Variants in OSBPL3 observed in about 807,000 individuals in gnomAD.
OSBPL3 encodes oxysterol-binding protein-related protein 3.
A neutral mutation model predicts 120.1 loss-of-function variants in OSBPL3; 65 were observed. The observed-to-expected ratio is 0.54, with a 90% CI of 0.44 to 0.67. OSBPL3 has a LOEUF of 0.67. OSBPL3 is among the 30% of genes least tolerant of loss of function. The probability of loss-of-function intolerance (pLI) is 0.00; values close to 1 mark genes in which losing one functional copy is unlikely to be tolerated. For missense variants in OSBPL3, 1,004 were observed against 1,082.1 expected (o/e 0.93, Z 1.01); for synonymous variants, 416 against 402.6 (o/e 1.03, Z -0.40).
chr7:24,865,124 C>A (rs928813894), intron 7 of OSBPL3, among the ~76,000 whole-genome samples: 1 of 152,154 alleles, frequency 6.6e-6, no homozygotes, highest in Non-Finnish European at 1.5e-5. Context: ...ACTGAAGGAA[C>A]AGAAGAAGAA....
At chr7:24,901,200 G>A (rs966481051) in intron 1 of OSBPL3, among the ~76,000 whole-genome samples, 5 of 151,630 alleles carry the variant, frequency 3.3e-5, no homozygotes, top group South Asian at 2.1e-4. Context: ...AGTGGCAGGC[G>A]CCTGTAATCC....
intron 1 of OSBPL3, among the ~76,000 whole-genome samples, chr7:24,892,828 A>T (rs1182609144): frequency 2.6e-5 from 4 of 152,250 alleles, no homozygotes; most frequent in Non-Finnish European, 4.4e-5. Flanking sequence ...TTTGCAATAT[A>T]GCAGGCTTAA....
At chr7:24,923,043 AAC>A (rs1810591440) in intron 1 of OSBPL3, among the ~76,000 whole-genome samples, 1 of 152,166 alleles carries the variant, frequency 6.6e-6, no homozygotes, top group African/African-American at 2.4e-5. Context: ...TCCCCGCCCC[AAC>A]ACACACACAG....
intron 1 of OSBPL3, among the ~76,000 whole-genome samples, chr7:24,978,322 T>C (rs1420604357): frequency 6.6e-6 from 1 of 152,260 alleles, no homozygotes; most frequent in East Asian, 1.9e-4. Context: ...AGGTTTCATT[T>C]ATTCATTCTA....
rs535862197 is a variant in OSBPL3, at chr7:24,948,154, A to G, written c.-150+31732T>C. On this transcript the variant is annotated intron_variant, in intron 1 of 22. Coordinates refer to ENST00000313367, the MANE Select transcript of OSBPL3 (RefSeq NM_015550.4). ...CGGAAGACAAAGCGAGAGAGAGAAG[A>G]TTCTCAAGTGGTTTCAAGTCTGGGA... 5.9e-5 allele frequency among the ~76,000 whole-genome samples: 9 copies of G among 152,332 alleles called. No individual in the cohort carries two copies. The South Asian group carries it at 1.7e-3, about 28-fold the overall frequency.
rs1816566500 is a variant in OSBPL3, at chr7:24,967,854, C to T, written c.-150+12032G>A. 6.6e-6 allele frequency among the ~76,000 whole-genome samples: 1 copy of T among 152,166 alleles called. No homozygotes were observed. Among genetic ancestry groups the T allele is most frequent in the Non-Finnish European group, 1.5e-5 (1 of 68,030 alleles). On this transcript the variant is annotated intron_variant, in intron 1 of 22. Transcript: ENST00000313367. The surrounding 1 kb of genome is among the most constrained non-coding windows in gnomAD (Gnocchi z 5.6). ...CCCTCTCTCTTGCACTGTTGCTGGA[C>T]ATGTCTGTGCTGATACCACCCATAC...
Position 24,937,734 on chromosome 7 carries a change from C to A in OSBPL3, c.-150+42152G>T, listed in dbSNP as rs898005864. Among the ~76,000 whole-genome samples the A allele has an allele frequency of 2.0e-5, 3 of 152,356 alleles. No individual in the cohort carries two copies. The highest frequency in any genetic ancestry group is 7.2e-5 in the African/African-American group (3 of 41,582). On this transcript the variant is annotated intron_variant, in intron 1 of 22. Coordinates refer to ENST00000313367, the MANE Select transcript of OSBPL3 (RefSeq NM_015550.4). This position sits in a 1 kb window ranked among gnomAD's most constrained non-coding sequence, Gnocchi z 4.0. ...ACTAATTACTTATTACCAAATCATT[C>A]TCCAAGCTGGTTGTTCCAAATGATA... is the stretch of plus-strand genomic sequence containing the variant.
chr7:24,893,551 C>A (rs930331179), intron 1 of OSBPL3, among the ~76,000 whole-genome samples: 1 of 152,146 alleles, frequency 6.6e-6, no homozygotes, highest in Non-Finnish European at 1.5e-5. Context: ...GTGGCTCATG[C>A]CTGTAATCCT....
Position 24,815,264 on chromosome 7 carries a change from A to C in OSBPL3, c.2028-61T>G. The C allele has an allele frequency of 7.5e-7, 1 of 1,331,036 alleles. No homozygotes were observed. Among genetic ancestry groups the C allele is most frequent in the Non-Finnish European group, 1.1e-6 (1 of 934,112 alleles). 82.5% of individuals were successfully genotyped at this position (1,331,036 alleles called of 1,614,324 possible). On this transcript the variant is annotated intron_variant, in intron 18 of 22. Coordinates refer to ENST00000313367, the MANE Select transcript of OSBPL3 (RefSeq NM_015550.4). The surrounding 1 kb of genome is among the most constrained non-coding windows in gnomAD (Gnocchi z 5.1). Reference sequence around the variant, plus strand: ...AGAAGAGCCAGCAGCAAATGCAAACAAACTCTGCTCTTTTATAAAATAAGT... The same window carrying C: ...AGAAGAGCCAGCAGCAAATGCAAACCAACTCTGCTCTTTTATAAAATAAGT...
rs1795475693 is a variant in OSBPL3 at position 24,824,547 on chromosome 7, C to T, written c.1885-4309G>A. 6.6e-6 allele frequency among the ~76,000 whole-genome samples: 1 copy of T among 152,134 alleles called. No individual in the cohort carries two copies. The highest frequency in any genetic ancestry group is 1.5e-5 in the Non-Finnish European group (1 of 68,022). The stretch of plus-strand genomic sequence containing the variant: ...GCAATAACGAAAAAGAGGGCAAGTG[C>T]CAGGTGAAGAAGTCATCCAGAGAGG... On this transcript the variant is annotated intron_variant, in intron 16 of 22. Coordinates refer to ENST00000313367, the MANE Select transcript of OSBPL3 (RefSeq NM_015550.4). This position sits in a 1 kb window ranked among gnomAD's most constrained non-coding sequence, Gnocchi z 4.9.
intron 1 of OSBPL3, among the ~76,000 whole-genome samples, chr7:24,907,647 CAA>C (rs937532257): frequency 6.6e-6 from 1 of 152,208 alleles, no homozygotes; most frequent in Non-Finnish European, 1.5e-5. Flanking sequence ...CCGTCTGTGG[CAA>C]AGTCCTCCAT....
chr7:24,946,673 C>A lies in OSBPL3; in HGVS notation c.-150+33213G>T, dbSNP rs535799830. Reference sequence around the variant, plus strand: ...TCCTAAGCAACAAAAGGCCACACCACCAGAGTCCTGCCATTAAGAAGGGCA... The same window carrying A: ...TCCTAAGCAACAAAAGGCCACACCAACAGAGTCCTGCCATTAAGAAGGGCA... On this transcript the variant is annotated intron_variant, in intron 1 of 22. Transcript: ENST00000313367. This position sits in a 1 kb window ranked among gnomAD's most constrained non-coding sequence, Gnocchi z 4.3. Among the ~76,000 whole-genome samples, 1 of 152,320 alleles carries A rather than the reference C, an allele frequency of 6.6e-6. No individual in the cohort carries two copies. The highest frequency in any genetic ancestry group is 1.5e-5 in the Non-Finnish European group (1 of 68,028).
chr7:24,836,660 A>G (rs75355073), intron 14 of OSBPL3, among the ~76,000 whole-genome samples: 4,979 of 152,142 alleles, frequency 0.033, 159 homozygotes, highest in East Asian at 0.13. Flanking sequence ...ATCAATAAAC[A>G]TACTTTGTTG....
Position 24,820,123 on chromosome 7 carries a change from A to G in OSBPL3, c.1948+52T>C. On this transcript the variant is annotated intron_variant, in intron 17 of 22. Transcript: ENST00000313367. The surrounding 1 kb of genome is among the most constrained non-coding windows in gnomAD (Gnocchi z 4.6). ...TGACAGCAATTCTTGGATAAAATAAATAGATAACATATTACACAATATGAT... is the reference window on the plus strand; with the variant it reads ...TGACAGCAATTCTTGGATAAAATAAGTAGATAACATATTACACAATATGAT... The G allele has an allele frequency of 7.9e-7, 1 of 1,269,498 alleles. No individual in the cohort carries two copies. The highest frequency in any genetic ancestry group is 1.1e-6 in the Non-Finnish European group (1 of 879,668). 78.6% of individuals were successfully genotyped at this position (1,269,498 alleles called of 1,614,324 possible).
Position 24,980,089 on chromosome 7 carries a change from G to A in OSBPL3, c.-353C>T. On this transcript the variant is annotated 5_prime_UTR_variant, in exon 1 of 23. Transcript: ENST00000313367. ...GGGGCCGGAGCCGCGCTGCGCACCGGCCGCGAAGCGCTCAAGTCCCCTCTC... is the reference window on the plus strand; with the variant it reads ...GGGGCCGGAGCCGCGCTGCGCACCGACCGCGAAGCGCTCAAGTCCCCTCTC... 1.0e-6 allele frequency: 1 copy of A among 981,998 alleles called. No individual in the cohort carries two copies. 60.8% of individuals were successfully genotyped at this position (981,998 alleles called of 1,614,324 possible).
intron 20 of OSBPL3, among the ~76,000 whole-genome samples, chr7:24,807,686 C>T (rs1793236635): frequency 6.6e-6 from 1 of 152,070 alleles, no homozygotes; most frequent in African/African-American, 2.4e-5. Context: ...TTATTCTTTT[C>T]TTCCATTCCT....
Position 24,937,250 on chromosome 7 carries a change from T to C in OSBPL3, c.-150+42636A>G, listed in dbSNP as rs978971866. Among the ~76,000 whole-genome samples, 2 of 152,220 alleles carry C rather than the reference T, an allele frequency of 1.3e-5. No individual in the cohort carries two copies. Among genetic ancestry groups the C allele is most frequent in the Non-Finnish European group, 2.9e-5 (2 of 68,044 alleles). On this transcript the variant is annotated intron_variant, in intron 1 of 22. Transcript: ENST00000313367. This position sits in a 1 kb window ranked among gnomAD's most constrained non-coding sequence, Gnocchi z 4.0. ...AACAGGATGGAGGGAACCTCTCCCA[T>C]AATTCAATTTTCTCCCACCAGGTCC...
In OSBPL3 at chr7:24,941,000, T is replaced by C. The variant is rs766007317; in HGVS notation, c.-150+38886A>G. ...GCGTCCAGCTAATTTTTTGTATTTT[T>C]AGTAGAGACGGGGTTTCACCATGTT... On this transcript the variant is annotated intron_variant, in intron 1 of 22. Transcript: ENST00000313367. This position sits in a 1 kb window ranked among gnomAD's most constrained non-coding sequence, Gnocchi z 4.4. Among the ~76,000 whole-genome samples the C allele has an allele frequency of 3.5e-4, 53 of 152,174 alleles. No homozygotes were observed. In the Middle Eastern group the frequency reaches 0.014, roughly 39 times the overall value.
rs1584302275 is a variant in OSBPL3 at position 24,835,468 on chromosome 7, A to C, written c.1496-732T>G. Reference sequence around the variant, plus strand: ...GGAATACTTATACACTACTGGCGGGAATGTAATTAGCTCAGCCATTGTGGA... The same window carrying C: ...GGAATACTTATACACTACTGGCGGGCATGTAATTAGCTCAGCCATTGTGGA... On this transcript the variant is annotated intron_variant, in intron 14 of 22. Coordinates refer to ENST00000313367, the MANE Select transcript of OSBPL3 (RefSeq NM_015550.4). This position sits in a 1 kb window ranked among gnomAD's most constrained non-coding sequence, Gnocchi z 4.8. 6.6e-6 allele frequency among the ~76,000 whole-genome samples: 1 copy of C among 152,254 alleles called. No individual in the cohort carries two copies. Among genetic ancestry groups the C allele is most frequent in the African/African-American group, 2.4e-5 (1 of 41,552 alleles).
Sources: gnomAD v4.1 joint callset for allele counts (sites outside exome capture counted in the v4.1 genomes callset) on GRCh38, gnomAD v4.1.1 for gene constraint, Gnocchi (gnomAD v3.1) non-coding constraint, MANE v1.5 for transcripts, NCBI Gene and HGNC (gene_info 2026-07-23, HGNC 2026-07-21) for gene names.